The following ESRRG variants were observed in gnomAD, a reference collection of about 807,000 sequenced individuals.
ESRRG encodes estrogen related receptor gamma.
ESRRG carries 13 observed loss-of-function variants against 44.0 expected under a neutral mutation model. The ratio of observed to expected loss-of-function variants is 0.30; its 90% CI spans 0.19 to 0.47. ESRRG has a LOEUF of 0.47. ESRRG is among the 20% of genes least tolerant of loss of function. ESRRG has a pLI of 1.00. For missense variants in ESRRG, 395 were observed against 580.6 expected, an observed-to-expected ratio of 0.68 and a Z score of 3.29; for synonymous variants, 215 against 214.6, an observed-to-expected ratio of 1.00 and a Z score of -0.02.
intron 2 of ESRRG, among the ~76,000 whole-genome samples, chr1:216,921,629 C>T (rs893843053): frequency 1.3e-5 from 2 of 152,200 alleles, no homozygotes; most frequent in African/African-American, 4.8e-5. Flanking sequence ...ATCACCTGCT[C>T]AGTGGGGCTT....
intron 2 of ESRRG, among the ~76,000 whole-genome samples, chr1:216,857,434 T>G (rs2149057025): frequency 6.6e-6 from 1 of 152,130 alleles, no homozygotes; most frequent in Middle Eastern, 3.5e-3. Context: ...TAGAATTTAT[T>G]AACTGTCTAG....
At chr1:216,797,205 C>T (rs1345483842) in intron 2 of ESRRG, among the ~76,000 whole-genome samples, 1 of 152,096 alleles carries the variant, frequency 6.6e-6, no homozygotes, top group Non-Finnish European at 1.5e-5. Context: ...TTGTTAACAT[C>T]TCGCATTAGG....
chr1:216,809,628 T>G (rs2094907638), intron 2 of ESRRG, among the ~76,000 whole-genome samples: 1 of 152,216 alleles, frequency 6.6e-6, no homozygotes, highest in African/African-American at 2.4e-5. Flanking sequence ...TCCTCAGAAA[T>G]GTTTTCTTCA....
chr1:216,820,564 T>C (rs974806911), intron 2 of ESRRG, among the ~76,000 whole-genome samples: 1 of 152,186 alleles, frequency 6.6e-6, no homozygotes, highest in African/African-American at 2.4e-5. Flanking sequence ...CTCTAGGCAC[T>C]CATTCAAAAA....
chr1:216,672,508 G>T (rs2075374103), intron 2 of ESRRG, among the ~76,000 whole-genome samples: 1 of 152,140 alleles, frequency 6.6e-6, no homozygotes, highest in African/African-American at 2.4e-5. Context: ...CCAAGTTTAA[G>T]AAGTATTTTT....
At chr1:216,563,702 C>T (rs2149534441) in intron 5 of ESRRG, among the ~76,000 whole-genome samples, 1 of 152,076 alleles carries the variant, frequency 6.6e-6, no homozygotes, top group Non-Finnish European at 1.5e-5. Flanking sequence ...GAAAAGTTAC[C>T]ATGTCCATTT....
intron 2 of ESRRG, among the ~76,000 whole-genome samples, chr1:216,885,148 A>G (rs1559982849): frequency 6.7e-6 from 1 of 150,050 alleles, no homozygotes; most frequent in Admixed American, 6.6e-5. Context: ...AGCAAGATAC[A>G]TGACAGAAAG....
At chr1:216,573,414 A>G (rs1320777796) in intron 3 of ESRRG, among the ~76,000 whole-genome samples, 1 of 151,886 alleles carries the variant, frequency 6.6e-6, no homozygotes, top group Non-Finnish European at 1.5e-5. Flanking sequence ...TATATCCTCC[A>G]TGATGTTTTG....
At chr1:216,876,577 T>C (rs2096357885) in intron 2 of ESRRG, among the ~76,000 whole-genome samples, 1 of 151,792 alleles carries the variant, frequency 6.6e-6, no homozygotes, top group Non-Finnish European at 1.5e-5. Context: ...TTTTTTCAAA[T>C]GATAATATCA....
At chr1:216,914,921 T>A (rs1326330007) in intron 2 of ESRRG, among the ~76,000 whole-genome samples, 1 of 152,226 alleles carries the variant, frequency 6.6e-6, no homozygotes, top group Non-Finnish European at 1.5e-5. Context: ...GAAAAAATGT[T>A]CACAGCACAG....
intron 3 of ESRRG, among the ~76,000 whole-genome samples, chr1:216,628,824 C>T (rs188107663): frequency 6.6e-6 from 1 of 152,308 alleles, no homozygotes; most frequent in Non-Finnish European, 1.5e-5. Context: ...CAAGATCCTT[C>T]ATTATCAAGT....
intron 3 of ESRRG, among the ~76,000 whole-genome samples, chr1:216,598,490 A>T (rs1226764717): frequency 1.3e-5 from 2 of 152,198 alleles, no homozygotes; most frequent in Non-Finnish European, 2.9e-5. Context: ...GTAAGAAATG[A>T]AAAAATGGAG....
intron 3 of ESRRG, among the ~76,000 whole-genome samples, chr1:216,610,135 T>C (rs953590735): frequency 1.3e-5 from 2 of 152,058 alleles, no homozygotes; most frequent in Non-Finnish European, 2.9e-5. Context: ...AAATATGAGT[T>C]ATTAAAATAG....
In ESRRG at chr1:216,504,278, T is replaced by A. The variant is rs1458511069; in HGVS notation, c.*2661A>T. 1 of 152,226 alleles carries A rather than the reference T, an allele frequency of 6.6e-6. No homozygotes were observed. Among genetic ancestry groups the A allele is most frequent in the African/African-American group, 2.4e-5 (1 of 41,446 alleles). 9.4% of individuals were successfully genotyped at this position (152,226 alleles called of 1,614,324 possible). On this transcript the variant is annotated 3_prime_UTR_variant, in exon 7 of 7. Transcript: ENST00000408911. ...CAAACTTTCTGGAAAATAATCTTTT[T>A]AAACACTTACATATATAAATAATCT...
chr1:217,107,576 A>T (rs2092612763), intron 1 of ESRRG, among the ~76,000 whole-genome samples: 2 of 152,246 alleles, frequency 1.3e-5, no homozygotes, highest in African/African-American at 4.8e-5. Flanking sequence ...TTGCATTTAA[A>T]TGCATATATG....
chr1:216,646,152 T>C (rs2067531975), intron 3 of ESRRG, among the ~76,000 whole-genome samples: 2 of 152,190 alleles, frequency 1.3e-5, no homozygotes, highest in South Asian at 2.1e-4. Flanking sequence ...TTAAAGCCCC[T>C]TTTTTTCCTT....
At chr1:216,878,688 T>C (rs1238724946) in intron 2 of ESRRG, among the ~76,000 whole-genome samples, 1 of 152,224 alleles carries the variant, frequency 6.6e-6, no homozygotes, top group Non-Finnish European at 1.5e-5. Context: ...GTGCCACCTT[T>C]AGTAAACGTT....
chr1:216,596,943 C>T (rs2058527777), intron 3 of ESRRG, among the ~76,000 whole-genome samples: 1 of 151,132 alleles, frequency 6.6e-6, no homozygotes, highest in South Asian at 2.1e-4. Context: ...TTTTTTTGGC[C>T]CTTTGGAGAT....
intron 2 of ESRRG, among the ~76,000 whole-genome samples, chr1:216,898,330 G>T (rs1391338253): frequency 2.0e-5 from 3 of 152,032 alleles, no homozygotes; most frequent in South Asian, 2.1e-4. Flanking sequence ...TAAGAAGTTG[G>T]TACATGGCCA....
Sources: allele counts gnomAD v4.1 joint callset (sites outside exome capture counted in the v4.1 genomes callset), GRCh38; gene constraint gnomAD v4.1.1; transcripts MANE v1.5; gene names NCBI Gene and HGNC (gene_info 2026-07-23, HGNC 2026-07-21).